Variants in STOML3 observed in about 807,000 individuals in gnomAD.
STOML3 encodes the protein stomatin-like protein 3.
In STOML3, 31 loss-of-function variants were observed where a neutral mutation model predicts 29.5. The ratio of observed to expected loss-of-function variants is 1.05; its 90% CI spans 0.79 to 1.42. The LOEUF is 1.42. Among genes scored for constraint, STOML3 ranks in the 40% most tolerant of loss-of-function variants. The pLI is 0.00. For synonymous variants in STOML3, 122 were observed against 139.8 expected, an observed-to-expected ratio of 0.87 and a Z score of 0.90; for missense variants, 380 against 363.0, an observed-to-expected ratio of 1.05 and a Z score of -0.38.
At chr13:38,985,911 C>CTTTTTTTTTTTTTTTTTTTTTTTTTTTT (rs1170409048) in intron 1 of STOML3, among the ~76,000 whole-genome samples, 5 of 85,618 alleles carry the variant, frequency 5.8e-5, no homozygotes, top group African/African-American at 1.4e-4. Flanking sequence ...TCTTTTCTTT[C>CTTTTTTTTTTTTTTTTTTTTTTTTTTTT]TTTTTTTTTT....
intron 1 of STOML3, among the ~76,000 whole-genome samples, chr13:38,984,562 C>T (rs561757416): frequency 6.6e-6 from 1 of 152,268 alleles, no homozygotes; most frequent in African/African-American, 2.4e-5. Context: ...CATAGTGTTA[C>T]AACTGCTTAC....
chr13:38,985,206 C>G (rs1028311237), intron 1 of STOML3, among the ~76,000 whole-genome samples: 3 of 152,076 alleles, frequency 2.0e-5, no homozygotes, highest in African/African-American at 7.2e-5. Flanking sequence ...GGTGGATTAC[C>G]TGAGGTCAGG....
At chr13:38,985,091 C>T (rs1440197910) in intron 1 of STOML3, among the ~76,000 whole-genome samples, 3 of 152,118 alleles carry the variant, frequency 2.0e-5, no homozygotes, top group African/African-American at 7.2e-5. Flanking sequence ...TTTCTCCATA[C>T]ATTCCGCCTG....
At chr13:38,980,236 T>TG (rs1008802296) in intron 1 of STOML3, 21 of 1,140,836 alleles carry the variant, frequency 1.8e-5, no homozygotes, top group Middle Eastern at 2.0e-4. Context: ...TGGTGGAGCC[T>TG]GGGGGTCTCA....
intron 1 of STOML3, among the ~76,000 whole-genome samples, chr13:38,983,852 T>C (rs1881350280): frequency 6.6e-6 from 1 of 152,206 alleles, no homozygotes; most frequent in South Asian, 2.1e-4. Context: ...GCTTTCTCTC[T>C]TTTCTTTTCT....
chr13:38,974,889 G>A (rs962891838), intron 3 of STOML3, among the ~76,000 whole-genome samples: 2 of 152,170 alleles, frequency 1.3e-5, no homozygotes, highest in Non-Finnish European at 2.9e-5. Flanking sequence ...AGCCCCACCA[G>A]GTGGAACACA....
chr13:38,988,271 A>T (rs368101314), intron 1 of STOML3, among the ~76,000 whole-genome samples: 738 of 46,256 alleles, frequency 0.016, 89 homozygotes, highest in African/African-American at 0.1. Flanking sequence ...ATCATATATT[A>T]TATATAAAAT....
chr13:38,988,282 A>G (rs1221278189), intron 1 of STOML3, among the ~76,000 whole-genome samples: 3 of 84,302 alleles, frequency 3.6e-5, no homozygotes, highest in African/African-American at 1.7e-4. Context: ...TATATAAAAT[A>G]TATTATATTT....
chr13:38,988,011 T>TATATG (rs1868695268), intron 1 of STOML3, among the ~76,000 whole-genome samples: 6 of 79,718 alleles, frequency 7.5e-5, no homozygotes, highest in South Asian at 9.1e-4. Flanking sequence ...TATCATATAT[T>TATATG]TTATATATAA....
At chr13:38,986,757 A>G (rs1049943321) in intron 1 of STOML3, among the ~76,000 whole-genome samples, 1 of 152,158 alleles carries the variant, frequency 6.6e-6, no homozygotes, top group Non-Finnish European at 1.5e-5. Flanking sequence ...ATTGCTGAAA[A>G]GGAATATAGT....
chr13:38,970,414 C>A (rs781648431), intron 4 of STOML3, 26 bp from the exon 5 acceptor site: 1 of 1,598,642 alleles, frequency 6.3e-7, no homozygotes, highest in Non-Finnish European at 8.6e-7. Context: ...AGGGCAAAAT[C>A]ACTTATTTAT....
Position 38,966,865 on chromosome 13 carries a change from A to C in STOML3, c.836T>G (p.Val279Gly). 1.2e-6 allele frequency: 2 copies of C among 1,613,774 alleles called. No individual in the cohort carries two copies. The highest frequency in any genetic ancestry group is 1.7e-6 in the Non-Finnish European group (2 of 1,179,998). The change falls in exon 7 of 7, where the codon GTC (valine) becomes GGC (glycine). Residue 279 changes from valine (V) to glycine (G), a missense_variant. Coordinates refer to ENST00000379631, the MANE Select transcript of STOML3 (RefSeq NM_145286.3). ...AAGCTTCTTGTGGTTATCATAGCTG[A>C]CGCCACCAATGCCCTCTAGTATATT... ...PMNILEGIGG[V>G]SYDNHKKLPN...
At position 38,970,185 on chromosome 13, in the gene STOML3, C is replaced by T. The variant is rs780956419; in HGVS notation, c.516G>A (p.Gln172=). The T allele has an allele frequency of 4.3e-6, 7 of 1,611,178 alleles. No individual in the cohort carries two copies. In the African/African-American group the frequency reaches 9.4e-5, roughly 22 times the overall value. ...AGREEIAHSI[Q]TLLDDATELW... ...GGCTATTAGTTCATGGTGTCTTTAC[C>T]TGGATGCTATGGGCGATCTCTTCTC... The change falls in exon 5 of 7, where the codon CAG becomes CAA. Residue 172 remains glutamine (Q), a splice_region_variant and synonymous_variant. Coordinates refer to ENST00000379631, the MANE Select transcript of STOML3 (RefSeq NM_145286.3).
At chr13:38,972,222 C>T (rs7995438) in intron 4 of STOML3, among the ~76,000 whole-genome samples, 2,895 of 152,288 alleles carry the variant, frequency 0.019, 87 homozygotes, top group African/African-American at 0.06. Flanking sequence ...CTGTCATTCT[C>T]CATCCCAGCT....
rs1285243728 is a variant in STOML3 at position 38,980,208 on chromosome 13, C to CG, written c.53-3412dup. 2.1e-6 allele frequency: 3 copies of CG among 1,430,386 alleles called. No individual in the cohort carries two copies. In the African/African-American group the frequency reaches 4.3e-5, roughly 20 times the overall value. 88.6% of individuals were successfully genotyped at this position (1,430,386 alleles called of 1,614,324 possible). ...ACTGGAGCATTAGAATCACCCAGGC[C>CG]GCGGCTTCTGGGAGAATTGGTGGAG... is the stretch of plus-strand genomic sequence containing the variant. On this transcript the variant is annotated intron_variant, in intron 1 of 6. Transcript: ENST00000379631.
chr13:38,970,560 G>A (rs10492688), intron 4 of STOML3, among the ~76,000 whole-genome samples, 172 bp from the exon 5 acceptor site: 6,562 of 152,176 alleles, frequency 0.043, 476 homozygotes, highest in African/African-American at 0.15. Context: ...CAGCTGATAC[G>A]CAATTCCTCT....
At chr13:38,973,471 G>A (rs1040725038) in intron 3 of STOML3, among the ~76,000 whole-genome samples, 10 of 152,160 alleles carry the variant, frequency 6.6e-5, no homozygotes, top group Admixed American at 6.5e-4. Flanking sequence ...TGTCTTGTGA[G>A]GGCCCATTTC....
chr13:38,970,131 A>C, intron 5 of STOML3, 54 bp downstream of exon 5: 1 of 1,514,596 alleles, frequency 6.6e-7, no homozygotes, highest in South Asian at 1.2e-5. Flanking sequence ...ATAATCACTG[A>C]TAATTAAAAT....
In STOML3 at chr13:38,966,952, A is replaced by T; in HGVS notation, c.749T>A (p.Leu250Gln). The change falls in exon 7 of 7, where the codon CTG becomes CAG. Residue 250 changes from leucine to glutamine, a missense_variant. Leu to Gln is a moderately radical substitution (Grantham distance 113). Transcript: ENST00000379631. ...ESPIALQLRY[L>Q]QTLSTVATEK... The stretch of plus-strand genomic sequence containing the variant: ...GGTGGCTACCGTGCTCAAGGTCTGC[A>T]GGTAGCGCAGCTGGAGAGCTATGGG... 6.2e-7 allele frequency: 1 copy of T among 1,614,104 alleles called. No homozygotes were observed. Among genetic ancestry groups the T allele is most frequent in the Non-Finnish European group, 8.5e-7 (1 of 1,180,000 alleles).
Sources: allele counts gnomAD v4.1 joint callset (sites outside exome capture counted in the v4.1 genomes callset), GRCh38; gene constraint gnomAD v4.1.1; transcripts MANE v1.5; gene names NCBI Gene and HGNC (gene_info 2026-07-23, HGNC 2026-07-21).